The following ROBO1 variants were observed in gnomAD, a reference collection of about 807,000 sequenced individuals.
ROBO1 encodes roundabout guidance receptor 1.
A neutral mutation model predicts 195.9 loss-of-function variants in ROBO1; 149 were observed. The ratio of observed to expected loss-of-function variants is 0.76; its 90% CI spans 0.67 to 0.87. The LOEUF is 0.87. Ranked by LOEUF, ROBO1 falls within the 40% of genes least tolerant of loss-of-function variation. The pLI is 0.00. For missense variants in ROBO1, 1,933 were observed against 2,068.3 expected (o/e 0.93, Z 1.27); for synonymous variants, 816 against 733.2 (o/e 1.11, Z -1.82).
chr3:79,620,302 G>A (rs758952542), intron 1 of ROBO1, among the ~76,000 whole-genome samples: 14 of 152,206 alleles, frequency 9.2e-5, no homozygotes, highest in African/African-American at 2.4e-4. Flanking sequence ...GATGCTGCCC[G>A]ATCGCCTCGG....
chr3:78,620,548 C>A (rs1200516749), intron 26 of ROBO1, among the ~76,000 whole-genome samples: 1 of 152,050 alleles, frequency 6.6e-6, no homozygotes, highest in Admixed American at 6.5e-5. Flanking sequence ...GCTTTTTATC[C>A]CAATGAATTT....
At chr3:79,181,776 A>G (rs1051770100) in intron 2 of ROBO1, among the ~76,000 whole-genome samples, 9 of 151,968 alleles carry the variant, frequency 5.9e-5, no homozygotes, top group African/African-American at 2.2e-4. Flanking sequence ...ACATTTGAAA[A>G]ATTAGCCAGG....
intron 2 of ROBO1, among the ~76,000 whole-genome samples, chr3:79,129,310 T>C (rs907817927): frequency 6.6e-6 from 1 of 152,162 alleles, no homozygotes; most frequent in Non-Finnish European, 1.5e-5. Flanking sequence ...TTTATAAATA[T>C]TTTGCGATAT....
intron 3 of ROBO1, among the ~76,000 whole-genome samples, chr3:79,066,140 C>T (rs1421428827): frequency 2.6e-5 from 4 of 151,824 alleles, no homozygotes; most frequent in Non-Finnish European, 5.9e-5. Flanking sequence ...TGTAGGTCAG[C>T]GGAGCCCTAA....
intron 2 of ROBO1, among the ~76,000 whole-genome samples, chr3:79,519,248 C>G (rs1411341081): frequency 2.0e-5 from 3 of 152,026 alleles, no homozygotes; most frequent in Non-Finnish European, 4.4e-5. Flanking sequence ...AGCTCAGAAC[C>G]CATATTGATC....
At chr3:79,404,778 A>T (rs958038756) in intron 2 of ROBO1, among the ~76,000 whole-genome samples, 1 of 152,180 alleles carries the variant, frequency 6.6e-6, no homozygotes, top group Non-Finnish European at 1.5e-5. Flanking sequence ...TACCATGGCC[A>T]TTAAAAAACT....
rs536329150 is a variant in ROBO1, at chr3:78,905,572, T to C, written c.499+33029A>G. ...AGATGGAGGCTGCAGTGAGCTGTGA[T>C]AGTGCCATTGTACTACAGTTTGGAT... is the stretch of plus-strand genomic sequence containing the variant. On this transcript the variant is annotated intron_variant, in intron 4 of 30. Transcript: ENST00000464233. Among the ~76,000 whole-genome samples, 191 of 152,200 alleles carry C rather than the reference T, an allele frequency of 1.3e-3. 3 individuals carry two copies. The South Asian group carries it at 0.039, about 31-fold the overall frequency.
intron 3 of ROBO1, among the ~76,000 whole-genome samples, chr3:79,116,903 T>C (rs1240193648): frequency 6.6e-6 from 1 of 152,188 alleles, no homozygotes; most frequent in East Asian, 1.9e-4. Flanking sequence ...ATTATAAAGT[T>C]TGTATAAATG....
chr3:79,494,690 A>G (rs528881223), intron 2 of ROBO1, among the ~76,000 whole-genome samples: 1 of 152,338 alleles, frequency 6.6e-6, no homozygotes, highest in East Asian at 1.9e-4. Flanking sequence ...CACTTTTGGC[A>G]TTAACATAAT....
chr3:78,610,886 CCA>C (rs1248077281), intron 28 of ROBO1, among the ~76,000 whole-genome samples: 24 of 152,092 alleles, frequency 1.6e-4, no homozygotes, highest in Non-Finnish European at 2.5e-4. Flanking sequence ...CAAAATATCA[CCA>C]AGCAGGGATA....
At chr3:79,767,109 C>T (rs1267870080) in intron 1 of ROBO1, among the ~76,000 whole-genome samples, 3 of 152,134 alleles carry the variant, frequency 2.0e-5, no homozygotes, top group African/African-American at 7.2e-5. Flanking sequence ...CTACATACCG[C>T]CAAGAGTTTA....
intron 1 of ROBO1, among the ~76,000 whole-genome samples, chr3:79,611,770 G>A (rs1944665044): frequency 6.6e-6 from 1 of 152,018 alleles, no homozygotes; most frequent in South Asian, 2.1e-4. Flanking sequence ...GATAGCATTA[G>A]GAGAAATACC....
chr3:79,372,064 A>T (rs2109340969), intron 2 of ROBO1, among the ~76,000 whole-genome samples: 1 of 152,172 alleles, frequency 6.6e-6, no homozygotes, highest in East Asian at 1.9e-4. Context: ...AGCTGATCTG[A>T]CAGGAGGCAG....
intron 2 of ROBO1, among the ~76,000 whole-genome samples, chr3:79,524,490 A>G (rs1205095267): frequency 6.6e-6 from 1 of 152,094 alleles, no homozygotes; most frequent in Admixed American, 6.5e-5. Flanking sequence ...GTATGTGCAT[A>G]TGTCTACAAT....
rs1422131423 is a variant in ROBO1, at chr3:78,657,102, C to A, written c.2610G>T (p.Gln870His). Residue 870 changes from glutamine (Q) to histidine (H), a missense_variant, in exon 18 of 31, where the codon CAG becomes CAT. Coordinates refer to ENST00000464233, the MANE Select transcript of ROBO1 (RefSeq NM_002941.4). The part of the protein sequence containing the change: ...SGVKSEPQFI[Q>H]LDAHGNPVSP... The stretch of plus-strand genomic sequence containing the variant: ...TGGATCTGCACTGACACTCACCCAG[C>A]TGGATGAACTGAGGCTCACTCTTTA... 1 of 1,605,274 alleles carries A rather than the reference C, an allele frequency of 6.2e-7. No homozygotes were observed. Among genetic ancestry groups the A allele is most frequent in the Non-Finnish European group, 8.5e-7 (1 of 1,175,776 alleles).
intron 2 of ROBO1, among the ~76,000 whole-genome samples, chr3:79,339,460 G>A (rs755066807): frequency 2.6e-5 from 4 of 151,876 alleles, no homozygotes; most frequent in African/African-American, 2.4e-5. Context: ...GCATGCCATC[G>A]TACCTCCACA....
chr3:79,468,022 G>A (rs992904670), intron 2 of ROBO1, among the ~76,000 whole-genome samples: 3 of 152,152 alleles, frequency 2.0e-5, no homozygotes, highest in East Asian at 1.9e-4. Context: ...GTAATATACC[G>A]CCTACTGTGC....
chr3:79,187,252 T>G (rs781294202), intron 2 of ROBO1, among the ~76,000 whole-genome samples: 4 of 151,974 alleles, frequency 2.6e-5, no homozygotes, highest in Non-Finnish European at 5.9e-5. Flanking sequence ...GAACTGGCAC[T>G]CTTGTAAAAG....
chr3:79,447,047 T>C (rs560597933), intron 2 of ROBO1, among the ~76,000 whole-genome samples: 1 of 152,092 alleles, frequency 6.6e-6, no homozygotes, highest in African/African-American at 2.4e-5. Context: ...GCCAGTCTGG[T>C]CTCGAACTCC....
Sources: gnomAD v4.1 joint callset for allele counts (sites outside exome capture counted in the v4.1 genomes callset) on GRCh38, gnomAD v4.1.1 for gene constraint, MANE v1.5 for transcripts, NCBI Gene and HGNC (gene_info 2026-07-23, HGNC 2026-07-21) for gene names.